The following CRACD variants were observed in gnomAD, a reference collection of about 807,000 sequenced individuals.
The protein encoded by CRACD is capping protein inhibiting regulator of actin dynamics.
In CRACD, 56 loss-of-function variants were observed where a neutral mutation model predicts 106.8. The observed-to-expected ratio is 0.52, with a 90% CI of 0.42 to 0.66. The LOEUF is 0.66. CRACD is among the 30% of genes least tolerant of loss of function. CRACD has a pLI of 0.00. For missense variants in CRACD, 1,730 were observed against 1,623.2 expected (o/e 1.07, Z -1.13); for synonymous variants, 754 against 670.8 (o/e 1.12, Z -1.92).
intron 4 of CRACD, among the ~76,000 whole-genome samples, chr4:56,303,876 T>A (rs1265968927): frequency 6.6e-6 from 1 of 152,208 alleles, no homozygotes; most frequent in Non-Finnish European, 1.5e-5. Context: ...CTCCTCTTCG[T>A]CACAGCCACC....
At chr4:56,200,154 T>C (rs1246376823) in intron 2 of CRACD, among the ~76,000 whole-genome samples, 1 of 151,550 alleles carries the variant, frequency 6.6e-6, no homozygotes, top group African/African-American at 2.4e-5. Flanking sequence ...CTTTGTGGCT[T>C]AGTCAAATAG....
intron 3 of CRACD, 94 bp from the exon 4 acceptor site, chr4:56,298,120 G>T: frequency 7.4e-7 from 1 of 1,343,012 alleles, no homozygotes. Context: ...GACTGGGAAT[G>T]TGGGTGGAGT....
intron 1 of CRACD, among the ~76,000 whole-genome samples, chr4:56,074,722 G>GTA (rs1465846771): frequency 6.6e-6 from 1 of 152,118 alleles, no homozygotes; most frequent in Non-Finnish European, 1.5e-5. Flanking sequence ...TCAATACTAT[G>GTA]TTGAATAGGA....
chr4:56,102,462 A>C (rs1187064496), intron 1 of CRACD, among the ~76,000 whole-genome samples: 1 of 152,212 alleles, frequency 6.6e-6, no homozygotes, highest in Non-Finnish European at 1.5e-5. Context: ...TCCCAAACAG[A>C]TAAAAACCCA....
At chr4:56,105,923 A>G (rs1198710519) in intron 1 of CRACD, among the ~76,000 whole-genome samples, 1 of 149,842 alleles carries the variant, frequency 6.7e-6, no homozygotes, top group Non-Finnish European at 1.5e-5. Flanking sequence ...AAGTTGAGAA[A>G]TAGATTTTTT....
intron 1 of CRACD, among the ~76,000 whole-genome samples, chr4:56,051,908 G>A (rs554886758): frequency 6.6e-6 from 1 of 152,248 alleles, no homozygotes; most frequent in South Asian, 2.1e-4. Context: ...TCTGTAAAAT[G>A]GGGGAAGTAA....
chr4:56,084,763 A>C (rs1412517009), intron 1 of CRACD, among the ~76,000 whole-genome samples: 1 of 152,212 alleles, frequency 6.6e-6, no homozygotes, highest in Non-Finnish European at 1.5e-5. Flanking sequence ...ATGATCATTC[A>C]AAGTAGAGAG....
At chr4:56,158,956 T>C (rs562530970) in intron 1 of CRACD, among the ~76,000 whole-genome samples, 20 of 143,576 alleles carry the variant, frequency 1.4e-4, no homozygotes, top group African/African-American at 4.7e-4. Flanking sequence ...AGAATTGGAC[T>C]CTTTCTTCAT....
intron 1 of CRACD, among the ~76,000 whole-genome samples, chr4:56,101,245 T>A (rs1733767425): frequency 6.6e-6 from 1 of 150,886 alleles, no homozygotes; most frequent in Non-Finnish European, 1.5e-5. Context: ...TTTCTCCCCT[T>A]CCTCCTGTCC....
intron 2 of CRACD, among the ~76,000 whole-genome samples, chr4:56,186,352 C>T (rs1446930206): frequency 6.6e-6 from 1 of 152,098 alleles, no homozygotes; most frequent in Non-Finnish European, 1.5e-5. Flanking sequence ...CATGGGACCA[C>T]AGTTAAACAC....
intron 4 of CRACD, among the ~76,000 whole-genome samples, chr4:56,302,909 T>G (rs1427762726): frequency 6.6e-6 from 1 of 152,334 alleles, no homozygotes; most frequent in East Asian, 1.9e-4. Flanking sequence ...ATGGTCCAAT[T>G]TGAATGAATA....
intron 1 of CRACD, among the ~76,000 whole-genome samples, chr4:56,068,625 C>G (rs1313345701): frequency 6.6e-6 from 1 of 152,118 alleles, no homozygotes; most frequent in Non-Finnish European, 1.5e-5. Context: ...AGAGAAGGGT[C>G]AGATTCTGGA....
chr4:56,225,523 G>A (rs1399478995), intron 2 of CRACD, among the ~76,000 whole-genome samples: 1 of 151,704 alleles, frequency 6.6e-6, no homozygotes, highest in Non-Finnish European at 1.5e-5. Context: ...CTTCTTATCT[G>A]CCTTCCATTT....
chr4:56,306,208 A>G (rs1452091339), intron 4 of CRACD, among the ~76,000 whole-genome samples: 2 of 152,120 alleles, frequency 1.3e-5, no homozygotes, highest in Non-Finnish European at 2.9e-5. Flanking sequence ...AGAGATAAAT[A>G]TCAGGCCAGG....
At chr4:56,321,126 T>C in intron 8 of CRACD, 1 of 198,182 alleles carries the variant, frequency 5.0e-6, no homozygotes, top group South Asian at 9.4e-5. Flanking sequence ...TTAGTTTTCT[T>C]TGGTATTGGT....
At chr4:56,077,205 G>A (rs1374782791) in intron 1 of CRACD, among the ~76,000 whole-genome samples, 1 of 152,182 alleles carries the variant, frequency 6.6e-6, no homozygotes, top group Non-Finnish European at 1.5e-5. Flanking sequence ...TTACAATCAT[G>A]GCTGGAAGGC....
At chr4:56,073,066 A>G (rs896205692) in intron 1 of CRACD, among the ~76,000 whole-genome samples, 1 of 152,124 alleles carries the variant, frequency 6.6e-6, no homozygotes, top group Non-Finnish European at 1.5e-5. Context: ...TAATAAACAT[A>G]CGTTTGCCTG....
chr4:56,118,006 G>T (rs768194262), intron 1 of CRACD, among the ~76,000 whole-genome samples: 1 of 152,064 alleles, frequency 6.6e-6, no homozygotes, highest in Admixed American at 6.6e-5. Context: ...TGATCCACCC[G>T]CCTCTGCCTC....
intron 2 of CRACD, among the ~76,000 whole-genome samples, chr4:56,189,818 CTAT>C (rs1011414504): frequency 1.0e-4 from 14 of 136,048 alleles, no homozygotes; most frequent in Admixed American, 2.3e-4. Context: ...ATTATTATTA[CTAT>C]TATTATTATT....
Sources: gnomAD v4.1 joint callset for allele counts (sites outside exome capture counted in the v4.1 genomes callset) on GRCh38, gnomAD v4.1.1 for gene constraint, MANE v1.5 for transcripts, NCBI Gene and HGNC (gene_info 2026-07-23, HGNC 2026-07-21) for gene names.